ERC2: variants seen among roughly 807,000 people sequenced by gnomAD.
The protein encoded by ERC2 is ERC protein 2.
ERC2 carries 42 observed loss-of-function variants against 114.8 expected under a neutral mutation model. The ratio of observed to expected loss-of-function variants is 0.37; its 90% CI spans 0.29 to 0.47. The LOEUF (loss-of-function observed/expected upper bound fraction) is 0.47, where lower values mean the gene tolerates loss of function less well. Ranked by LOEUF, ERC2 falls within the 20% of genes least tolerant of loss-of-function variation. ERC2 has a pLI of 0.99. For synonymous variants in ERC2, 454 were observed against 425.5 expected (o/e 1.07, Z -0.82); for missense variants, 939 against 1,150.7 (o/e 0.82, Z 2.66).
intron 1 of ERC2, among the ~76,000 whole-genome samples, chr3:56,443,382 G>A (rs2062408467): frequency 6.6e-6 from 1 of 152,148 alleles, no homozygotes; most frequent in Admixed American, 6.5e-5. Flanking sequence ...ACCACTATTT[G>A]GGAATTAGTT....
chr3:56,239,455 G>A (rs556088800), intron 3 of ERC2, among the ~76,000 whole-genome samples: 7 of 151,872 alleles, frequency 4.6e-5, no homozygotes, highest in Non-Finnish European at 7.4e-5. Flanking sequence ...GCAGTGGGCC[G>A]AGATCCCACC....
At chr3:55,690,561 C>G (rs1396327849) in intron 16 of ERC2, among the ~76,000 whole-genome samples, 1 of 151,652 alleles carries the variant, frequency 6.6e-6, no homozygotes, top group Non-Finnish European at 1.5e-5. Context: ...CCTGTTGACT[C>G]AAAGGATACT....
intron 3 of ERC2, among the ~76,000 whole-genome samples, chr3:56,180,681 G>A (rs1326180397): frequency 6.6e-6 from 1 of 152,108 alleles, no homozygotes; most frequent in Non-Finnish European, 1.5e-5. Flanking sequence ...TGTATAATGG[G>A]TACAGAGTTT....
intron 3 of ERC2, among the ~76,000 whole-genome samples, chr3:56,243,708 A>G (rs2051478474): frequency 6.6e-6 from 1 of 152,184 alleles, no homozygotes; most frequent in Non-Finnish European, 1.5e-5. Context: ...GGGATGAGGG[A>G]AGAATAAAGG....
At chr3:55,776,462 G>A (rs55768092) in intron 14 of ERC2, among the ~76,000 whole-genome samples, 23,806 of 152,192 alleles carry the variant, frequency 0.16, 2,026 homozygotes, top group East Asian at 0.22. Context: ...GCCGCTGAGT[G>A]GAGACGATGG....
intron 14 of ERC2, among the ~76,000 whole-genome samples, chr3:55,777,934 TATTTTCTAA>T (rs1200441160): frequency 6.6e-6 from 1 of 152,226 alleles, no homozygotes; most frequent in Non-Finnish European, 1.5e-5. Flanking sequence ...TTAGGTTTTT[TATTTTCTAA>T]AGAGAAACAA....
chr3:56,244,069 A>T (rs1160128445), intron 3 of ERC2, among the ~76,000 whole-genome samples: 1 of 152,134 alleles, frequency 6.6e-6, no homozygotes, highest in African/African-American at 2.4e-5. Flanking sequence ...TTAAATATAG[A>T]TACAGTCATG....
chr3:56,322,451 G>T (rs2057170839), intron 2 of ERC2, among the ~76,000 whole-genome samples: 1 of 152,142 alleles, frequency 6.6e-6, no homozygotes, highest in South Asian at 2.1e-4. Flanking sequence ...CAGAGGTGAG[G>T]TTTATGAGTT....
chr3:56,295,044 T>C, intron 3 of ERC2, among the ~76,000 whole-genome samples: 1 of 152,218 alleles, frequency 6.6e-6, no homozygotes, highest in East Asian at 1.9e-4. Context: ...AATCCCAACA[T>C]GGAAGCCATG....
chr3:56,007,034 A>C, intron 10 of ERC2, 147 bp downstream of exon 10: 1 of 655,742 alleles, frequency 1.5e-6, no homozygotes, highest in Non-Finnish European at 2.4e-6. Flanking sequence ...ACTTCTTAGC[A>C]ATAAAGTTAA....
At chr3:55,621,836 A>G (rs1226838054) in intron 17 of ERC2, among the ~76,000 whole-genome samples, 3 of 152,186 alleles carry the variant, frequency 2.0e-5, no homozygotes, top group Non-Finnish European at 4.4e-5. Flanking sequence ...GGAGGAGGAC[A>G]TGGGATACGT....
chr3:56,176,927 T>A (rs2083012656), intron 3 of ERC2, among the ~76,000 whole-genome samples: 1 of 152,162 alleles, frequency 6.6e-6, no homozygotes, highest in Non-Finnish European at 1.5e-5. Flanking sequence ...TCAACTTTCA[T>A]AAAAACTTCC....
chr3:55,806,926 C>T (rs1369507503), intron 14 of ERC2, among the ~76,000 whole-genome samples: 1 of 152,148 alleles, frequency 6.6e-6, no homozygotes, highest in Admixed American at 6.5e-5. Flanking sequence ...AGCAGGTATG[C>T]CTAAGGGGTC....
intron 3 of ERC2, among the ~76,000 whole-genome samples, chr3:56,290,818 A>T (rs2055034331): frequency 6.6e-6 from 1 of 152,000 alleles, no homozygotes; most frequent in African/African-American, 2.4e-5. Flanking sequence ...AATTCATGTT[A>T]CCTCTTTCTC....
chr3:55,953,204 CAAAA>C (rs10575146), intron 12 of ERC2, among the ~76,000 whole-genome samples: 1 of 140,538 alleles, frequency 7.1e-6, no homozygotes. Context: ...AACTCCATCT[CAAAA>C]AAAAAAAAAA....
chr3:56,089,321 C>A (rs1417546827), intron 6 of ERC2, among the ~76,000 whole-genome samples: 1 of 152,148 alleles, frequency 6.6e-6, no homozygotes, highest in Non-Finnish European at 1.5e-5. Flanking sequence ...TATTTGAGAT[C>A]TGTGCAGTGG....
rs576531374 is a variant in ERC2, at chr3:55,935,636, G to A, written c.2403+14789C>T. Among the ~76,000 whole-genome samples, 15 of 152,286 alleles carry A rather than the reference G, an allele frequency of 9.8e-5. No homozygotes were observed. In the East Asian group the frequency reaches 2.7e-3, roughly 27 times the overall value. On this transcript the variant is annotated intron_variant, in intron 13 of 17. Coordinates refer to ENST00000288221, the MANE Select transcript of ERC2 (RefSeq NM_015576.3). ...GAAAAAGTTGCTCTGAGAACCTGCT[G>A]GCTCATTTTGCCACCTTTCTGAAAA...
intron 3 of ERC2, among the ~76,000 whole-genome samples, chr3:56,180,745 T>C (rs1345169945): frequency 6.6e-6 from 1 of 152,198 alleles, no homozygotes; most frequent in East Asian, 1.9e-4. Context: ...AATGTAAATA[T>C]GCTTAACACT....
At chr3:55,985,767 A>C (rs1447949797) in intron 12 of ERC2, among the ~76,000 whole-genome samples, 1 of 152,204 alleles carries the variant, frequency 6.6e-6, no homozygotes, top group African/African-American at 2.4e-5. Flanking sequence ...ATAATCCAAC[A>C]CTGACTTATT....
Sources: allele counts gnomAD v4.1 joint callset (sites outside exome capture counted in the v4.1 genomes callset), GRCh38; gene constraint gnomAD v4.1.1; transcripts MANE v1.5; gene names NCBI Gene and HGNC (gene_info 2026-07-23, HGNC 2026-07-21).